MAPK10: variants seen among roughly 807,000 people sequenced by gnomAD.
MAPK10 encodes JNK3 alpha protein kinase.
A neutral mutation model predicts 59.3 loss-of-function variants in MAPK10; 25 were observed. The observed-to-expected ratio is 0.42, with a 90% CI of 0.31 to 0.59. The LOEUF (loss-of-function observed/expected upper bound fraction) is 0.59, where lower values mean the gene tolerates loss of function less well. MAPK10 is among the 20% of genes least tolerant of loss of function. The pLI is 0.15. For synonymous variants in MAPK10, 190 were observed against 200.5 expected (o/e 0.95, Z 0.44); for missense variants, 351 against 568.9 (o/e 0.62, Z 3.90).
intron 1 of MAPK10, among the ~76,000 whole-genome samples, chr4:86,489,088 A>G (rs1453345422): frequency 6.6e-6 from 1 of 152,174 alleles, no homozygotes; most frequent in Non-Finnish European, 1.5e-5. Context: ...GCCACCTGAC[A>G]TCTGAGGGAA....
chr4:86,159,495 T>A (rs1441100658), intron 3 of MAPK10, 28 bp from the exon 4 acceptor site: 1 of 1,593,770 alleles, frequency 6.3e-7, no homozygotes, highest in Non-Finnish European at 8.6e-7. Flanking sequence ...AGCAAAAACA[T>A]GAGGCAAGTG....
chr4:86,275,097 A>G (rs2094535619), intron 2 of MAPK10, among the ~76,000 whole-genome samples: 1 of 152,056 alleles, frequency 6.6e-6, no homozygotes, highest in South Asian at 2.1e-4. Flanking sequence ...AACCTGTGAC[A>G]ATGACTTTGT....
intron 1 of MAPK10, among the ~76,000 whole-genome samples, chr4:86,514,998 A>C (rs1756549690): frequency 6.6e-6 from 1 of 151,676 alleles, no homozygotes; most frequent in African/African-American, 2.4e-5. Context: ...CCTCACCCCC[A>C]CCTCACACAC....
chr4:86,583,447 A>T (rs72665759), intron 1 of MAPK10, among the ~76,000 whole-genome samples: 33,841 of 152,022 alleles, frequency 0.22, 4,524 homozygotes, highest in Admixed American at 0.3. Context: ...GGCCATCAAT[A>T]TGTAGGTGAA....
At chr4:86,075,018 C>G (rs1166157898) in intron 9 of MAPK10, among the ~76,000 whole-genome samples, 2 of 147,712 alleles carry the variant, frequency 1.4e-5, no homozygotes, top group Admixed American at 1.3e-4. Flanking sequence ...CTCCTCATCA[C>G]TTTCAGGTAC....
chr4:86,413,869 T>G (rs1221748378), intron 1 of MAPK10, among the ~76,000 whole-genome samples: 6 of 152,074 alleles, frequency 3.9e-5, no homozygotes, highest in Admixed American at 2.6e-4. Flanking sequence ...CCCCTTGTGC[T>G]TCCTAGGTGA....
chr4:86,263,140 G>C (rs57359823), intron 2 of MAPK10, among the ~76,000 whole-genome samples: 3 of 152,072 alleles, frequency 2.0e-5, no homozygotes, highest in African/African-American at 4.8e-5. Flanking sequence ...AGGTGTATGA[G>C]TGGTGGTAAC....
At chr4:86,174,742 G>T (rs1424856855) in intron 3 of MAPK10, among the ~76,000 whole-genome samples, 1 of 152,084 alleles carries the variant, frequency 6.6e-6, no homozygotes, top group Non-Finnish European at 1.5e-5. Context: ...CACCTGAATT[G>T]GAATTTGAAT....
intron 11 of MAPK10, among the ~76,000 whole-genome samples, chr4:86,035,370 CAAAAA>C (rs70948779): frequency 5.3e-5 from 2 of 37,870 alleles, no homozygotes; most frequent in African/African-American, 1.2e-4. Context: ...GACTCTGTCT[CAAAAA>C]AAAAAAAAAA....
chr4:86,080,816 A>T (rs1339030784), intron 9 of MAPK10: 1 of 152,026 alleles, frequency 6.6e-6, no homozygotes, highest in East Asian at 1.9e-4. Flanking sequence ...AAGAAAGATT[A>T]AAAGAATCAT....
intron 2 of MAPK10, among the ~76,000 whole-genome samples, chr4:86,214,511 T>TAAAAA (rs70948783): frequency 1.3e-5 from 1 of 75,954 alleles, no homozygotes; most frequent in African/African-American, 5.2e-5. Flanking sequence ...TAAGATTCCT[T>TAAAAA]AAAAAAAAAA....
At chr4:86,194,048 T>C (rs992756421) in intron 3 of MAPK10, 18 of 352,940 alleles carry the variant, frequency 5.1e-5, no homozygotes, top group African/African-American at 3.5e-4. Context: ...CACCCCACCC[T>C]GCTTCAGCTC....
chr4:86,483,575 G>T (rs1207672270), intron 1 of MAPK10, among the ~76,000 whole-genome samples: 3 of 151,572 alleles, frequency 2.0e-5, no homozygotes, highest in Admixed American at 6.6e-5. Flanking sequence ...TTATTAAAAT[G>T]GAATATATAA....
intron 1 of MAPK10, among the ~76,000 whole-genome samples, chr4:86,510,263 C>A (rs1014005116): frequency 6.6e-6 from 1 of 151,962 alleles, no homozygotes; most frequent in Non-Finnish European, 1.5e-5. Flanking sequence ...CAGGTATGTA[C>A]CCCCATGCCT....
intron 1 of MAPK10, among the ~76,000 whole-genome samples, chr4:86,460,997 T>G (rs1364890862): frequency 6.6e-6 from 1 of 152,112 alleles, no homozygotes; most frequent in Non-Finnish European, 1.5e-5. Context: ...CTAGCACCAC[T>G]GGGTTAGGGT....
intron 1 of MAPK10, among the ~76,000 whole-genome samples, chr4:86,472,590 G>C (rs1752747402): frequency 6.6e-6 from 1 of 152,052 alleles, no homozygotes. Context: ...CCTGCAGTGA[G>C]CTGTGATCAC....
In MAPK10 at chr4:86,464,917, G is replaced by A. The variant is rs536302970; in HGVS notation, c.-262-110273C>T. On this transcript the variant is annotated intron_variant, in intron 1 of 4. Coordinates refer to the MAPK10 transcript ENST00000502302. ...ACTGCAGGGAATCAAATGGCTAATC[G>A]CCTAGTTGCTAATGCAATATCTAAT... Among the ~76,000 whole-genome samples, 9 of 152,068 alleles carry A rather than the reference G, an allele frequency of 5.9e-5. No homozygotes were observed. The East Asian group carries it at 9.6e-4, about 16-fold the overall frequency.
rs565493959 is a variant in MAPK10 at position 86,309,773 on chromosome 4, G to A, written c.-7+44757C>T. Among the ~76,000 whole-genome samples the A allele has an allele frequency of 3.3e-5, 5 of 152,292 alleles. No individual in the cohort carries two copies. In the East Asian group the frequency reaches 9.7e-4, roughly 29 times the overall value. ...AAGAAGAATCAGAGTGAAGACATGGGAGGAAGTTAAAGCAGTGCCCGGCAT... is the reference window on the plus strand; with the variant it reads ...AAGAAGAATCAGAGTGAAGACATGGAAGGAAGTTAAAGCAGTGCCCGGCAT... On this transcript the variant is annotated intron_variant, in intron 2 of 13. Transcript: ENST00000641462.
chr4:86,581,899 T>A (rs1377289315), intron 1 of MAPK10, among the ~76,000 whole-genome samples: 21 of 91,582 alleles, frequency 2.3e-4, no homozygotes, highest in African/African-American at 8.6e-4. Context: ...GCTATATATA[T>A]TATATATATA....
Sources: gnomAD v4.1 joint callset for allele counts (sites outside exome capture counted in the v4.1 genomes callset) on GRCh38, gnomAD v4.1.1 for gene constraint, MANE v1.5 for transcripts, NCBI Gene and HGNC (gene_info 2026-07-23, HGNC 2026-07-21) for gene names.